Variants in OR8H3 observed in about 807,000 individuals in gnomAD.
OR8H3 encodes the protein olfactory receptor 8H3.
For missense variants in OR8H3, 381 were observed against 370.8 expected (o/e 1.03, Z -0.23); for synonymous variants, 143 against 136.4 (o/e 1.05, Z -0.34).
At position 56,123,280 on chromosome 11, in the gene OR8H3, G is replaced by A. The variant is rs146433594; in HGVS notation, c.908G>A (p.Arg303Lys). ...RNREVKNALI[R>K]VMQRRQDSR ...AGAGAAGTGAAAAATGCTCTCATTA[G>A]AGTCATGCAGAGAAGACAGGACTCC... Residue 303 changes from arginine to lysine, a missense_variant, in exon 1 of 1, where the codon AGA (arginine) becomes AAA (lysine). Coordinates refer to ENST00000313472, the MANE Select transcript of OR8H3 (RefSeq NM_001005201.1). 35 of 1,597,248 alleles carry A rather than the reference G, an allele frequency of 2.2e-5. No homozygotes were observed. The African/African-American group carries it at 4.6e-4, about 21-fold the overall frequency.
At position 56,122,710 on chromosome 11, in the gene OR8H3, A is replaced by G. The variant is rs543723572; in HGVS notation, c.338A>G (p.Tyr113Cys). Reference sequence around the variant, plus strand: ...GTCTTCTTGGGTACTGCTGAATGTTATCTTCTCTCCTCAATGGCCTATGAT... The same window carrying G: ...GTCTTCTTGGGTACTGCTGAATGTTGTCTTCTCTCCTCAATGGCCTATGAT... ...CFVFLGTAEC[Y>C]LLSSMAYDRY... Residue 113 changes from tyrosine (Y) to cysteine (C), a missense_variant, in exon 1 of 1, where the codon TAT (tyrosine) becomes TGT (cysteine). Physicochemically the swap from Tyr to Cys is radical, Grantham distance 194 (BLOSUM62 -2). Transcript: ENST00000313472. The G allele has an allele frequency of 1.8e-5, 29 of 1,613,990 alleles. No individual in the cohort carries two copies. Among genetic ancestry groups the G allele is most frequent in the Admixed American group, 1.3e-4 (8 of 59,994 alleles).
chr11:56,123,111 G>A lies in OR8H3; in HGVS notation c.739G>A (p.Gly247Arg). ...CTCTACTTGCGTCTCTCATCTCTTG[G>A]GAGTCACCATCTTCTATGGAACTAT... ...AFSTCVSHLL[G>R]VTIFYGTMIF... Residue 247 changes from glycine to arginine, a missense_variant, in exon 1 of 1, where the codon GGA (glycine) becomes AGA (arginine). Coordinates refer to ENST00000313472, the MANE Select transcript of OR8H3 (RefSeq NM_001005201.1). 6.2e-7 allele frequency: 1 copy of A among 1,613,924 alleles called. No homozygotes were observed. Among genetic ancestry groups the A allele is most frequent in the Non-Finnish European group, 8.5e-7 (1 of 1,179,908 alleles).
At position 56,123,164 on chromosome 11, in the gene OR8H3, G is replaced by A. The variant is rs1854209927; in HGVS notation, c.792G>A (p.Lys264=). 4 of 1,613,554 alleles carry A rather than the reference G, an allele frequency of 2.5e-6. No homozygotes were observed. The South Asian group carries it at 4.4e-5, about 18-fold the overall frequency. Residue 264 remains lysine (K), a synonymous_variant, in exon 1 of 1, where the codon AAG becomes AAA. Coordinates refer to ENST00000313472, the MANE Select transcript of OR8H3 (RefSeq NM_001005201.1). ...TTTTTACTTACTTAAAGCCAAGAAAGTCTTATTCCTTGGGAAGAGATCAAG... is the reference window on the plus strand; with the variant it reads ...TTTTTACTTACTTAAAGCCAAGAAAATCTTATTCCTTGGGAAGAGATCAAG... ...TMIFTYLKPR[K]SYSLGRDQVA...
rs546367458 is a variant in OR8H3 at position 56,122,914 on chromosome 11, C to A, written c.542C>A (p.Thr181Asn). The change falls in exon 1 of 1, where the codon ACT (threonine) becomes AAT (asparagine). Residue 181 changes from threonine to asparagine, a missense_variant. Coordinates refer to ENST00000313472, the MANE Select transcript of OR8H3 (RefSeq NM_001005201.1). ...ATAATTCATCACTTTTTCTGTGACA[C>A]TTCCCCAATTTTAGCTCTGTCCTGC... Reference protein sequence around the residue: ...SNIIHHFFCDTSPILALSCTD... With the variant: ...SNIIHHFFCDNSPILALSCTD... 8 of 1,614,148 alleles carry A rather than the reference C, an allele frequency of 5.0e-6. No individual in the cohort carries two copies. Among genetic ancestry groups the A allele is most frequent in the African/African-American group, 4.0e-5 (3 of 75,038 alleles).
In OR8H3 at chr11:56,123,305, C is replaced by T. The variant is rs748863254; in HGVS notation, c.933C>T (p.Ser311=). Residue 311 remains serine, a synonymous_variant, in exon 1 of 1, where the codon TCC becomes TCT. Coordinates refer to ENST00000313472, the MANE Select transcript of OR8H3 (RefSeq NM_001005201.1). ...LIRVMQRRQD[S]R ...GAGTCATGCAGAGAAGACAGGACTC[C>T]AGGTAGTTAAAATAGCAGAAATGGA... 7.7e-6 allele frequency: 12 copies of T among 1,550,816 alleles called. No individual in the cohort carries two copies. The highest frequency in any genetic ancestry group is 2.0e-5 in the Admixed American group (1 of 49,642).
rs1854199313 is a variant in OR8H3, at chr11:56,122,502, G to GC, written c.130_131insC (p.Val44AlafsTer28). The GC allele has an allele frequency of 6.2e-7, 1 of 1,614,030 alleles. No homozygotes were observed. The highest frequency in any genetic ancestry group is 1.3e-5 in the African/African-American group (1 of 74,902). ...ATACCTAATTACTATGCTGGGGAAT[G>GC]TGGGGATGCTATTGATAATCCGCCT... On this transcript the variant is annotated frameshift_variant, in exon 1 of 1. Transcript: ENST00000313472. LOFTEE classifies it low-confidence loss of function (END_TRUNC).
Position 56,122,531 on chromosome 11 carries a change from C to T in OR8H3, c.159C>T (p.Asp53=). The T allele has an allele frequency of 1.2e-6, 2 of 1,614,104 alleles. No individual in the cohort carries two copies. The highest frequency in any genetic ancestry group is 2.2e-5 in the South Asian group (2 of 91,076). The change falls in exon 1 of 1, where the codon GAC becomes GAT. Residue 53 remains aspartate, a synonymous_variant. Transcript: ENST00000313472. ...GGATGCTATTGATAATCCGCCTGGA[C>T]CTCCAGCTTCACACTCCCATGTATT... ...NVGMLLIIRL[D]LQLHTPMYFF...
rs764396720 is a variant in OR8H3, at chr11:56,122,518, T to A, written c.146T>A (p.Ile49Lys). ...TMLGNVGMLL[I>K]IRLDLQLHTP... ...CTGGGGAATGTGGGGATGCTATTGA[T>A]AATCCGCCTGGACCTCCAGCTTCAC... The change falls in exon 1 of 1, where the codon ATA becomes AAA. Residue 49 changes from isoleucine to lysine, a missense_variant. Transcript: ENST00000313472. The A allele has an allele frequency of 6.2e-7, 1 of 1,614,200 alleles. No individual in the cohort carries two copies. Among genetic ancestry groups the A allele is most frequent in the Admixed American group, 1.7e-5 (1 of 60,024 alleles).
chr11:56,122,810 T>C lies in OR8H3; in HGVS notation c.438T>C (p.Thr146=). The C allele has an allele frequency of 6.2e-7, 1 of 1,614,142 alleles. No homozygotes were observed. Among genetic ancestry groups the C allele is most frequent in the Non-Finnish European group, 8.5e-7 (1 of 1,180,008 alleles). The change falls in exon 1 of 1, where the codon ACT becomes ACC. Residue 146 remains threonine (T), a synonymous_variant. Transcript: ENST00000313472. ...MPKRLCLALI[T]GPYVIGFMDS... is the part of the protein sequence containing the mutation. ...AAAGGCTCTGCCTCGCTCTCATCAC[T>C]GGGCCTTATGTGATTGGCTTTATGG...
chr11:56,122,947 CA>C lies in OR8H3; in HGVS notation c.576del (p.Asp193ThrfsTer6), dbSNP rs1167607103. ...SPILALSCTD[T>X]DNTEMLIFII... ...ATTTTAGCTCTGTCCTGCACTGACA[CA>C]GACAACACTGAAATGCTGATATTCA... is the stretch of plus-strand genomic sequence containing the variant. On this transcript the variant is annotated frameshift_variant, in exon 1 of 1. Transcript: ENST00000313472. LOFTEE classifies it low-confidence loss of function (END_TRUNC). 6.2e-7 allele frequency: 1 copy of C among 1,614,184 alleles called. No homozygotes were observed. Among genetic ancestry groups the C allele is most frequent in the Admixed American group, 1.7e-5 (1 of 60,026 alleles).
In OR8H3 at chr11:56,122,894, T is replaced by C. The variant is rs1565051671; in HGVS notation, c.522T>C (p.Ile174=). 6.2e-7 allele frequency: 1 copy of C among 1,614,132 alleles called. No individual in the cohort carries two copies. The highest frequency in any genetic ancestry group is 8.5e-7 in the Non-Finnish European group (1 of 1,180,016). The stretch of plus-strand genomic sequence containing the variant: ...TGCATTTCTGTGACTCAAACATAAT[T>C]CATCACTTTTTCTGTGACACTTCCC... ...SRLHFCDSNI[I]HHFFCDTSPI... The change falls in exon 1 of 1, where the codon ATT becomes ATC. Residue 174 remains isoleucine, a synonymous_variant. Coordinates refer to ENST00000313472, the MANE Select transcript of OR8H3 (RefSeq NM_001005201.1).
At position 56,123,039 on chromosome 11, in the gene OR8H3, T is replaced by C. The variant is rs1262387885; in HGVS notation, c.667T>C (p.Ser223Pro). The C allele has an allele frequency of 6.2e-7, 1 of 1,614,204 alleles. No homozygotes were observed. The highest frequency in any genetic ancestry group is 1.1e-5 in the South Asian group (1 of 91,086). The change falls in exon 1 of 1, where the codon TCT becomes CCT. Residue 223 changes from serine to proline, a missense_variant. Physicochemically the swap from Ser to Pro is moderately conservative, Grantham distance 74. Transcript: ENST00000313472. ...TISASYVSIL[S>P]TILKINSTSG... Reference sequence around the variant, plus strand: ...ATCTGCATCCTATGTGTCCATTCTCTCTACCATCCTGAAAATTAATTCCAC... The same window carrying C: ...ATCTGCATCCTATGTGTCCATTCTCCCTACCATCCTGAAAATTAATTCCAC...
At position 56,122,695 on chromosome 11, in the gene OR8H3, G is replaced by A; in HGVS notation, c.323G>A (p.Gly108Asp). The change falls in exon 1 of 1, where the codon GGT (glycine) becomes GAT (aspartate). Residue 108 changes from glycine (G) to aspartate (D), a missense_variant. Physicochemically the swap from Gly to Asp is moderately conservative, Grantham distance 94. Coordinates refer to ENST00000313472, the MANE Select transcript of OR8H3 (RefSeq NM_001005201.1). The part of the protein sequence containing the change: ...FAQMFCFVFL[G>D]TAECYLLSSM... ...CAGATGTTCTGTTTTGTCTTCTTGG[G>A]TACTGCTGAATGTTATCTTCTCTCC... 1 of 1,614,130 alleles carries A rather than the reference G, an allele frequency of 6.2e-7. No homozygotes were observed. Among genetic ancestry groups the A allele is most frequent in the Non-Finnish European group, 8.5e-7 (1 of 1,180,034 alleles).
In OR8H3 at chr11:56,122,659, G is replaced by C; in HGVS notation, c.287G>C (p.Gly96Ala). 1 of 1,614,104 alleles carries C rather than the reference G, an allele frequency of 6.2e-7. No homozygotes were observed. The highest frequency in any genetic ancestry group is 8.5e-7 in the Non-Finnish European group (1 of 1,180,020). Residue 96 changes from glycine (G) to alanine (A), a missense_variant, in exon 1 of 1, where the codon GGC (glycine) becomes GCC (alanine). Gly to Ala is a moderately conservative substitution (Grantham distance 60). Transcript: ENST00000313472. ...LLTSNYISFT[G>A]CFAQMFCFVF... ...ACTTCCAACTATATTTCCTTCACGG[G>C]CTGCTTTGCCCAGATGTTCTGTTTT... is the stretch of plus-strand genomic sequence containing the variant.
chr11:56,123,057 A>C lies in OR8H3; in HGVS notation c.685A>C (p.Asn229His). The C allele has an allele frequency of 6.2e-7, 1 of 1,614,164 alleles. No homozygotes were observed. Among genetic ancestry groups the C allele is most frequent in the South Asian group, 1.1e-5 (1 of 91,086 alleles). Residue 229 changes from asparagine (N) to histidine (H), a missense_variant, in exon 1 of 1, where the codon AAT becomes CAT. Coordinates refer to ENST00000313472, the MANE Select transcript of OR8H3 (RefSeq NM_001005201.1). ...CATTCTCTCTACCATCCTGAAAATT[A>C]ATTCCACTTCAGGAAAGCAGAAAGC... The part of the protein sequence containing the change: ...VSILSTILKI[N>H]STSGKQKAFS...
rs887860542 is a variant in OR8H3, at chr11:56,122,847, A to T, written c.475A>T (p.Asn159Tyr). 2 of 1,614,146 alleles carry T rather than the reference A, an allele frequency of 1.2e-6. No homozygotes were observed. The highest frequency in any genetic ancestry group is 1.6e-4 in the Middle Eastern group (1 of 6,062). ...YVIGFMDSFV[N>Y]VVSMSRLHFC... is the part of the protein sequence containing the mutation. Reference sequence around the variant, plus strand: ...GATTGGCTTTATGGACTCCTTTGTCAATGTGGTTTCCATGAGCAGATTGCA... The same window carrying T: ...GATTGGCTTTATGGACTCCTTTGTCTATGTGGTTTCCATGAGCAGATTGCA... Residue 159 changes from asparagine to tyrosine, a missense_variant, in exon 1 of 1, where the codon AAT becomes TAT. Transcript: ENST00000313472.
chr11:56,122,643 T>C lies in OR8H3; in HGVS notation c.271T>C (p.Tyr91His). The C allele has an allele frequency of 6.2e-7, 1 of 1,614,188 alleles. No homozygotes were observed. The highest frequency in any genetic ancestry group is 8.5e-7 in the Non-Finnish European group (1 of 1,180,026). Reference protein sequence around the residue: ...KTLANLLTSNYISFTGCFAQM... With the variant: ...KTLANLLTSNHISFTGCFAQM... ...CTTAGCGAACTTACTGACTTCCAAC[T>C]ATATTTCCTTCACGGGCTGCTTTGC... The change falls in exon 1 of 1, where the codon TAT becomes CAT. Residue 91 changes from tyrosine to histidine, a missense_variant. Tyr to His is a moderately conservative substitution (Grantham distance 83). Transcript: ENST00000313472.
Position 56,122,520 on chromosome 11 carries a change from A to G in OR8H3, c.148A>G (p.Ile50Val). 2 of 1,614,044 alleles carry G rather than the reference A, an allele frequency of 1.2e-6. No individual in the cohort carries two copies. Among genetic ancestry groups the G allele is most frequent in the Non-Finnish European group, 1.7e-6 (2 of 1,180,022 alleles). Residue 50 changes from isoleucine (I) to valine (V), a missense_variant, in exon 1 of 1, where the codon ATC (isoleucine) becomes GTC (valine). Physicochemically the swap from Ile to Val is conservative, Grantham distance 29 (BLOSUM62 3). Coordinates refer to ENST00000313472, the MANE Select transcript of OR8H3 (RefSeq NM_001005201.1). ...GGGGAATGTGGGGATGCTATTGATA[A>G]TCCGCCTGGACCTCCAGCTTCACAC... ...MLGNVGMLLI[I>V]RLDLQLHTPM...
chr11:56,122,917 C>G lies in OR8H3; in HGVS notation c.545C>G (p.Ser182Cys). ...NIIHHFFCDT[S>C]PILALSCTDT... The stretch of plus-strand genomic sequence containing the variant: ...ATTCATCACTTTTTCTGTGACACTT[C>G]CCCAATTTTAGCTCTGTCCTGCACT... Residue 182 changes from serine (S) to cysteine (C), a missense_variant, in exon 1 of 1, where the codon TCC becomes TGC. Ser to Cys is a moderately radical substitution (Grantham distance 112). Transcript: ENST00000313472. 1 of 1,614,156 alleles carries G rather than the reference C, an allele frequency of 6.2e-7. No individual in the cohort carries two copies. The highest frequency in any genetic ancestry group is 1.1e-5 in the South Asian group (1 of 91,084).
Sources: allele counts gnomAD v4.1 joint callset, GRCh38; gene constraint gnomAD v4.1.1; transcripts MANE v1.5; gene names NCBI Gene and HGNC (gene_info 2026-07-23, HGNC 2026-07-21).